LARP4B: variants seen among roughly 807,000 people sequenced by gnomAD.
LARP4B encodes the protein La ribonucleoprotein 4B, also known as la-related protein 4B.
Under a neutral mutation model 89.8 loss-of-function variants are expected in LARP4B, and 12 were observed. The ratio of observed to expected loss-of-function variants is 0.13; its 90% CI spans 0.09 to 0.22. The LOEUF (loss-of-function observed/expected upper bound fraction) is 0.22. Among genes scored for constraint, LARP4B ranks in the 10% least tolerant of loss-of-function variants. The pLI, the probability that LARP4B is intolerant of heterozygous loss-of-function variation, is 1.00. For synonymous variants in LARP4B, 367 were observed against 363.3 expected (o/e 1.01, Z -0.12); for missense variants, 757 against 947.7 (o/e 0.80, Z 2.64).
At chr10:926,324 G>A (rs181787350) in intron 1 of LARP4B, among the ~76,000 whole-genome samples, 217 of 152,330 alleles carry the variant, frequency 1.4e-3, no homozygotes, top group African/African-American at 5.0e-3. Context: ...TCTTTTTAAG[G>A]ATGGTTTAAG....
the LARP4B span, among the ~76,000 whole-genome samples, chr10:956,115 G>A: frequency 6.6e-6 from 1 of 152,182 alleles, no homozygotes; most frequent in Non-Finnish European, 1.5e-5. This position sits in a 1 kb window ranked among gnomAD's most constrained non-coding sequence, Gnocchi z 4.3. Flanking sequence ...TCTTTGCACA[G>A]CGGCTCTGGG....
At chr10:965,667 G>C in the LARP4B span, among the ~76,000 whole-genome samples, 1 of 151,546 alleles carries the variant, frequency 6.6e-6, no homozygotes, top group Admixed American at 6.6e-5. Flanking sequence ...TTGTTTATGC[G>C]CCAAGTCGTT....
chr10:817,992 C>T (rs1832153152), intron 14 of LARP4B, 103 bp from the exon 15 acceptor site: 1 of 1,177,624 alleles, frequency 8.5e-7, no homozygotes, highest in Admixed American at 2.5e-5. Context: ...ACAAGCAGAT[C>T]ATTCAACCCA....
At chr10:839,056 A>G (rs1833380612) in intron 7 of LARP4B, among the ~76,000 whole-genome samples, 1 of 152,034 alleles carries the variant, frequency 6.6e-6, no homozygotes, top group Admixed American at 6.5e-5. Flanking sequence ...CATTCTGCAA[A>G]AGGCAAAACT....
chr10:917,639 C>A (rs1831469546), intron 1 of LARP4B, among the ~76,000 whole-genome samples: 1 of 152,140 alleles, frequency 6.6e-6, no homozygotes, highest in African/African-American at 2.4e-5. Flanking sequence ...TCTGACAAGC[C>A]CAGGAACCTC....
At chr10:845,729 C>T (rs949539926) in intron 5 of LARP4B, among the ~76,000 whole-genome samples, 3 of 152,200 alleles carry the variant, frequency 2.0e-5, no homozygotes, top group African/African-American at 7.2e-5. Context: ...CTCTAGAAGA[C>T]ACTGCATAAA....
the LARP4B span, among the ~76,000 whole-genome samples, chr10:970,027 G>A: frequency 3.9e-5 from 6 of 152,188 alleles, no homozygotes; most frequent in African/African-American, 7.2e-5. Context: ...CCACAACTCC[G>A]GTGACCTCTT....
chr10:824,787 G>A (rs1265791104), intron 13 of LARP4B, among the ~76,000 whole-genome samples: 1 of 152,256 alleles, frequency 6.6e-6, no homozygotes, highest in Admixed American at 6.5e-5. Context: ...GTGCTGCCAA[G>A]AGGAGACTGC....
the LARP4B span, among the ~76,000 whole-genome samples, chr10:949,697 A>G: frequency 6.6e-6 from 1 of 151,994 alleles, no homozygotes; most frequent in Non-Finnish European, 1.5e-5. Context: ...AGGGCCCACT[A>G]TGTTCGGTGT....
chr10:918,746 C>A (rs1836896090), intron 1 of LARP4B, among the ~76,000 whole-genome samples: 1 of 150,616 alleles, frequency 6.6e-6, no homozygotes, highest in South Asian at 2.1e-4. Flanking sequence ...GATAACTTTA[C>A]TCAATCTTGT....
At chr10:933,557 AT>A (rs1041336134), upstream of LARP4B, among the ~76,000 whole-genome samples, 2 of 152,204 alleles carry the variant, frequency 1.3e-5, no homozygotes, top group African/African-American at 4.8e-5. Flanking sequence ...CTTTAAGGGA[AT>A]TTGCAAGTTA....
the LARP4B span, among the ~76,000 whole-genome samples, chr10:948,865 G>A: frequency 6.6e-6 from 1 of 152,200 alleles, no homozygotes; most frequent in Non-Finnish European, 1.5e-5. Flanking sequence ...ATACTCCATA[G>A]TGTGGGTTAT....
rs1201930667 is a variant in LARP4B at position 810,345 on chromosome 10, T to C, written c.*2581A>G. 1 of 152,226 alleles carries C rather than the reference T, an allele frequency of 6.6e-6. No individual in the cohort carries two copies. The highest frequency in any genetic ancestry group is 2.4e-5 in the African/African-American group (1 of 41,460). The allele number at this position is 152,226 out of a possible 1,614,324, so 9.4% of individuals were successfully genotyped here. On this transcript the variant is annotated 3_prime_UTR_variant, in exon 18 of 18. Transcript: ENST00000316157. Reference sequence around the variant, plus strand: ...ATTATATAGCAATCTGTATTTCACCTTTAATTAAAAAGGATGCTATAAAAA... The same window carrying C: ...ATTATATAGCAATCTGTATTTCACCCTTAATTAAAAAGGATGCTATAAAAA...
upstream of LARP4B, among the ~76,000 whole-genome samples, chr10:932,122 G>A (rs1193855581): frequency 6.6e-6 from 1 of 151,972 alleles, no homozygotes; most frequent in Admixed American, 6.5e-5. Flanking sequence ...CGCCGCCCAG[G>A]ACGGATGGCG....
At chr10:854,100 A>G (rs1834183893) in intron 5 of LARP4B, among the ~76,000 whole-genome samples, 1 of 152,230 alleles carries the variant, frequency 6.6e-6, no homozygotes, top group African/African-American at 2.4e-5. Flanking sequence ...TTGCTCATCC[A>G]TAAGAAGCAA....
the LARP4B span, among the ~76,000 whole-genome samples, chr10:977,536 T>C: frequency 1.4e-5 from 2 of 145,818 alleles, no homozygotes; most frequent in African/African-American, 5.1e-5. Flanking sequence ...CAAAGCAAGA[T>C]CCTATCTCAG....
At chr10:825,363 G>A (rs1832566624) in intron 12 of LARP4B, 47 bp from the exon 13 acceptor site, 3 of 1,580,226 alleles carry the variant, frequency 1.9e-6, no homozygotes, top group East Asian at 2.2e-5. Flanking sequence ...AATGATCAAG[G>A]CATTACATAA....
chr10:846,632 A>G (rs1833791199), intron 5 of LARP4B, among the ~76,000 whole-genome samples: 1 of 152,186 alleles, frequency 6.6e-6, no homozygotes, highest in Non-Finnish European at 1.5e-5. Flanking sequence ...CGTTAAAGTA[A>G]CCTAAACGTA....
chr10:849,178 G>A (rs2131766232), intron 5 of LARP4B, among the ~76,000 whole-genome samples: 1 of 152,182 alleles, frequency 6.6e-6, no homozygotes, highest in African/African-American at 2.4e-5. Context: ...AGAAAAAAAG[G>A]GAAAGAGGAA....
Sources: gnomAD v4.1 joint callset for allele counts (sites outside exome capture counted in the v4.1 genomes callset) on GRCh38, gnomAD v4.1.1 for gene constraint, Gnocchi (gnomAD v3.1) non-coding constraint, MANE v1.5 for transcripts, NCBI Gene and HGNC (gene_info 2026-07-23, HGNC 2026-07-21) for gene names.